Variants in PBX1 observed in about 807,000 individuals in gnomAD.
The protein encoded by PBX1 is pre-B-cell leukemia transcription factor 1.
A neutral mutation model predicts 53.4 loss-of-function variants in PBX1; 6 were observed. The observed-to-expected ratio is 0.11, with a 90% CI of 0.06 to 0.22. The LOEUF (loss-of-function observed/expected upper bound fraction) is 0.22. Among genes scored for constraint, PBX1 ranks in the 10% least tolerant of loss-of-function variants. The probability of loss-of-function intolerance (pLI) is 1.00; values close to 1 mark genes in which losing one functional copy is unlikely to be tolerated. For missense variants in PBX1, 251 were observed against 551.4 expected, an observed-to-expected ratio of 0.46 and a Z score of 5.46; for synonymous variants, 204 against 212.3, an observed-to-expected ratio of 0.96 and a Z score of 0.34.
rs1384283443 is a variant in PBX1, at chr1:164,675,798, T to G, written c.265+112487T>G. Among the ~76,000 whole-genome samples, 3 of 152,270 alleles carry G rather than the reference T, an allele frequency of 2.0e-5. No homozygotes were observed. The East Asian group carries it at 5.8e-4, about 30-fold the overall frequency. On this transcript the variant is annotated intron_variant, in intron 2 of 8. Coordinates refer to ENST00000420696, the MANE Select transcript of PBX1 (RefSeq NM_002585.4). ...ACCACACTGGCTTAGATGAAAACTT[T>G]CAAGCAGATCTTGGTGGGGATCAGA... is the stretch of plus-strand genomic sequence containing the variant.
chr1:164,874,303 C>T (rs540757334), intron 2 of PBX1, among the ~76,000 whole-genome samples: 8 of 152,156 alleles, frequency 5.3e-5, no homozygotes, highest in Admixed American at 1.3e-4. Flanking sequence ...AATGAGACTT[C>T]GCTTCGCCAT....
In PBX1 at chr1:164,848,350, T is replaced by G; in HGVS notation, c.*1674T>G. The G allele has an allele frequency of 9.5e-7, 1 of 1,057,514 alleles. No individual in the cohort carries two copies. The highest frequency in any genetic ancestry group is 5.2e-5 in the East Asian group (1 of 19,058). 65.5% of individuals were successfully genotyped at this position (1,057,514 alleles called of 1,614,324 possible). On this transcript the variant is annotated 3_prime_UTR_variant, in exon 9 of 9. Coordinates refer to ENST00000420696, the MANE Select transcript of PBX1 (RefSeq NM_002585.4). The stretch of plus-strand genomic sequence containing the variant: ...GGTCAAATATTTTGGTGCCTCATTT[T>G]CTTCATCTGTGAGATGGGAACTGTT...
At chr1:164,839,573 G>A (rs1671195272) in intron 8 of PBX1, among the ~76,000 whole-genome samples, 2 of 152,186 alleles carry the variant, frequency 1.3e-5, no homozygotes, top group Admixed American at 1.3e-4. Flanking sequence ...CTTGAAAGAT[G>A]ACACGGATTT....
At chr1:164,619,421 A>G (rs1348678103) in intron 2 of PBX1, among the ~76,000 whole-genome samples, 1 of 151,970 alleles carries the variant, frequency 6.6e-6, no homozygotes, top group African/African-American at 2.4e-5. Context: ...CAAGCAGCTG[A>G]CTTACTTACT....
At chr1:164,822,510 GT>G (rs1366314775) in intron 8 of PBX1, among the ~76,000 whole-genome samples, 1 of 152,132 alleles carries the variant, frequency 6.6e-6, no homozygotes, top group African/African-American at 2.4e-5. Context: ...AGGAAGAAGA[GT>G]TAGGCATGAT....
At chr1:164,574,278 A>T (rs1654073618) in intron 2 of PBX1, among the ~76,000 whole-genome samples, 3 of 152,234 alleles carry the variant, frequency 2.0e-5, no homozygotes, top group Admixed American at 2.0e-4. Flanking sequence ...GAACAAGTAC[A>T]GAGCACTCCA....
At chr1:164,778,494 G>A (rs1230117025) in intron 2 of PBX1, among the ~76,000 whole-genome samples, 4 of 152,198 alleles carry the variant, frequency 2.6e-5, no homozygotes, top group African/African-American at 2.4e-5. Context: ...AAAAGTAGCC[G>A]GGCGTGGTAG....
intron 2 of PBX1, among the ~76,000 whole-genome samples, chr1:164,756,366 A>C (rs1666522738): frequency 6.6e-6 from 1 of 152,164 alleles, no homozygotes; most frequent in Non-Finnish European, 1.5e-5. Flanking sequence ...TTTAAAAAGC[A>C]TCCTTTAATT....
rs1571516268 is a variant in PBX1 at position 164,844,119 on chromosome 1, T to TTTC, written c.1201-2463_1201-2462insCTT. ...TTTTTCTTTCTTTCTTTCTTTCTTT[T>TTTC]TTTTTTTTTTTTTACCAGAATTTTA... is the stretch of plus-strand genomic sequence containing the variant. On this transcript the variant is annotated intron_variant, in intron 8 of 8. Transcript: ENST00000420696. Among the ~76,000 whole-genome samples the TTTC allele has an allele frequency of 6.1e-5, 9 of 148,604 alleles. 1 individual carries two copies. The East Asian group carries it at 1.8e-3, about 29-fold the overall frequency.
chr1:164,723,458 GT>G (rs1470088756), intron 2 of PBX1, among the ~76,000 whole-genome samples: 4 of 152,234 alleles, frequency 2.6e-5, no homozygotes, highest in African/African-American at 9.6e-5. Context: ...AAGAATTAAT[GT>G]TGGACGAGCA....
At chr1:164,688,340 T>C (rs1438889598) in intron 2 of PBX1, among the ~76,000 whole-genome samples, 1 of 152,146 alleles carries the variant, frequency 6.6e-6, no homozygotes, top group African/African-American at 2.4e-5. Context: ...TGTATTTGAG[T>C]ACAGATCAAT....
At chr1:164,643,658 A>G (rs1461862751) in intron 2 of PBX1, among the ~76,000 whole-genome samples, 1 of 152,222 alleles carries the variant, frequency 6.6e-6, no homozygotes, top group East Asian at 1.9e-4. Flanking sequence ...CCTTTTGGAT[A>G]CTTATGACAT....
chr1:164,782,236 G>T (rs1216414960), intron 2 of PBX1, among the ~76,000 whole-genome samples: 2 of 152,174 alleles, frequency 1.3e-5, no homozygotes, highest in Admixed American at 6.5e-5. Flanking sequence ...GAGTGATTTA[G>T]AGTACTGCAC....
Position 164,643,729 on chromosome 1 carries a change from C to T in PBX1, c.265+80418C>T, listed in dbSNP as rs952726143. Among the ~76,000 whole-genome samples the T allele has an allele frequency of 3.3e-5, 5 of 152,082 alleles. No individual in the cohort carries two copies. In the South Asian group the frequency reaches 6.3e-4, roughly 19 times the overall value. ...ATCTAATCAGATTCTTACAAATAGC[C>T]AACGAAGAAGCAAAGTTATCACATA... On this transcript the variant is annotated intron_variant, in intron 2 of 8. Coordinates refer to ENST00000420696, the MANE Select transcript of PBX1 (RefSeq NM_002585.4).
At chr1:164,693,493 C>G (rs1662620002) in intron 2 of PBX1, among the ~76,000 whole-genome samples, 1 of 152,166 alleles carries the variant, frequency 6.6e-6, no homozygotes, top group African/African-American at 2.4e-5. Flanking sequence ...CCCCACTATT[C>G]TATAGGTGTT....
intron 2 of PBX1, among the ~76,000 whole-genome samples, chr1:164,570,717 A>G (rs533804319): frequency 6.6e-6 from 1 of 152,332 alleles, no homozygotes; most frequent in Non-Finnish European, 1.5e-5. Context: ...CTTTGTGTAT[A>G]TACGCAGTGA....
intron 2 of PBX1, among the ~76,000 whole-genome samples, chr1:164,788,752 T>G (rs867140202): frequency 1.4e-5 from 1 of 69,000 alleles, no homozygotes; most frequent in Non-Finnish European, 2.8e-5. Context: ...CCCGCCGCCC[T>G]CCCCCCCCCG....
chr1:164,589,694 ATAT>A (rs1442404752), intron 2 of PBX1, among the ~76,000 whole-genome samples: 1 of 152,020 alleles, frequency 6.6e-6, no homozygotes, highest in East Asian at 1.9e-4. Flanking sequence ...GGTGGAGGAG[ATAT>A]TATCCACCTG....
At chr1:164,597,761 G>T (rs943856447) in intron 2 of PBX1, among the ~76,000 whole-genome samples, 1 of 152,004 alleles carries the variant, frequency 6.6e-6, no homozygotes, top group East Asian at 1.9e-4. Context: ...CCTCAGGAGA[G>T]TTTGTAGGTT....
Sources: gnomAD v4.1 joint callset for allele counts (sites outside exome capture counted in the v4.1 genomes callset) on GRCh38, gnomAD v4.1.1 for gene constraint, MANE v1.5 for transcripts, NCBI Gene and HGNC (gene_info 2026-07-23, HGNC 2026-07-21) for gene names.